Variants in SLC3A1 observed in about 807,000 individuals in gnomAD.
SLC3A1 encodes the protein amino acid transporter heavy chain SLC3A1.
SLC3A1 carries 78 observed loss-of-function variants against 60.3 expected under a neutral mutation model. The observed-to-expected ratio is 1.29, with a 90% CI of 1.08 to 1.56. SLC3A1 has a LOEUF of 1.56. SLC3A1 is among the 40% of genes most tolerant of loss of function. The probability of loss-of-function intolerance (pLI) is 0.00; values close to 1 mark genes in which losing one functional copy is unlikely to be tolerated. For missense variants in SLC3A1, 1,172 were observed against 858.9 expected (o/e 1.36, Z -4.56); for synonymous variants, 392 against 307.9 (o/e 1.27, Z -2.86).
intron 4 of SLC3A1, among the ~76,000 whole-genome samples, chr2:44,293,605 A>T (rs1572798863): frequency 1.3e-5 from 2 of 152,282 alleles, no homozygotes; most frequent in African/African-American, 4.8e-5. Context: ...GATGTGGCTG[A>T]TGTCTACAGA....
chr2:44,304,024 T>C lies in SLC3A1; in HGVS notation c.1137-119T>C. The C allele has an allele frequency of 3.7e-6, 3 of 808,854 alleles. No individual in the cohort carries two copies. The East Asian group carries it at 7.4e-5, about 20-fold the overall frequency. 50.1% of individuals were successfully genotyped at this position (808,854 alleles called of 1,614,324 possible). A position where few individuals can be genotyped will look rare whatever the true frequency, so the allele number is the denominator to read the frequency against. On this transcript the variant is annotated intron_variant, in intron 6 of 9. Transcript: ENST00000260649. ...TGCTTTCTAGAAGGTGCTAGTCCTA[T>C]ATGGTTAATAGTGTGCATTCAGCCC... is the stretch of plus-strand genomic sequence containing the variant.
chr2:44,281,608 GT>G, intron 3 of SLC3A1, 67 bp downstream of exon 3: 1 of 1,466,964 alleles, frequency 6.8e-7, no homozygotes, highest in African/African-American at 1.4e-5. Flanking sequence ...AACTGATTTA[GT>G]AAAACCCTTT....
chr2:44,294,510 A>T (rs1397775909), intron 4 of SLC3A1, among the ~76,000 whole-genome samples: 2 of 152,026 alleles, frequency 1.3e-5, no homozygotes, highest in African/African-American at 4.8e-5. Flanking sequence ...CTCAAAAAAA[A>T]AAAAAAAAAA....
intron 9 of SLC3A1, chr2:44,319,505 CTA>C (rs1410326339): frequency 6.6e-6 from 1 of 152,014 alleles, no homozygotes; most frequent in Admixed American, 6.6e-5. Context: ...TTTATGGAGG[CTA>C]TATTATATAG....
intron 5 of SLC3A1, among the ~76,000 whole-genome samples, 200 bp from the exon 6 acceptor site, chr2:44,300,803 G>C (rs1175968117): frequency 6.6e-6 from 1 of 152,102 alleles, no homozygotes; most frequent in Non-Finnish European, 1.5e-5. Flanking sequence ...CAGTTTATTA[G>C]AGAAATATTG....
intron 6 of SLC3A1, 131 bp downstream of exon 6, chr2:44,301,258 G>C: frequency 1.6e-6 from 2 of 1,227,456 alleles, no homozygotes; most frequent in East Asian, 2.5e-5. Flanking sequence ...ATTGATTACA[G>C]TTTGGTTGTA....
At chr2:44,303,792 C>T (rs147069722) in intron 6 of SLC3A1, 46 of 429,702 alleles carry the variant, frequency 1.1e-4, no homozygotes, top group African/African-American at 4.4e-4. Context: ...CATGTGTTCT[C>T]GTTATTCAAC....
chr2:44,321,805 T>C (rs1672984487), downstream of SLC3A1: 3 of 1,613,760 alleles, frequency 1.9e-6, no homozygotes, highest in Non-Finnish European at 2.5e-6. Flanking sequence ...ATCTGTCCAC[T>C]GAGAGGGCCT....
intron 4 of SLC3A1, among the ~76,000 whole-genome samples, chr2:44,295,018 AC>A (rs1421526972): frequency 1.3e-5 from 2 of 152,162 alleles, no homozygotes; most frequent in African/African-American, 2.4e-5. Flanking sequence ...TGCTAGGATT[AC>A]AGGCATGAGC....
In SLC3A1 at chr2:44,320,643, C is replaced by A. The variant is rs777174361; in HGVS notation, c.*4C>A. Reference sequence around the variant, plus strand: ...CATACTGTATACCTCGTGTTAGGCACCTTTATGAAGAGATGAAGACACTGG... The same window carrying A: ...CATACTGTATACCTCGTGTTAGGCAACTTTATGAAGAGATGAAGACACTGG... On this transcript the variant is annotated 3_prime_UTR_variant, in exon 10 of 10. Coordinates refer to ENST00000260649, the MANE Select transcript of SLC3A1 (RefSeq NM_000341.4). 1 of 1,611,376 alleles carries A rather than the reference C, an allele frequency of 6.2e-7. No individual in the cohort carries two copies. The highest frequency in any genetic ancestry group is 8.5e-7 in the Non-Finnish European group (1 of 1,177,644).
At chr2:44,311,793 C>T (rs115174729) in intron 7 of SLC3A1, among the ~76,000 whole-genome samples, 3,029 of 151,214 alleles carry the variant, frequency 0.02, 89 homozygotes, top group African/African-American at 0.068. Context: ...GACTCAAGTT[C>T]GAACGCTAGT....
chr2:44,300,858 ATTC>A, intron 5 of SLC3A1, 142 bp from the exon 6 acceptor site: 1 of 849,976 alleles, frequency 1.2e-6, no homozygotes, highest in Non-Finnish European at 2.0e-6. Flanking sequence ...CAAATGAAGC[ATTC>A]TTCTCCATCC....
At chr2:44,285,470 T>C (rs1373553704) in intron 3 of SLC3A1, 3 of 343,310 alleles carry the variant, frequency 8.7e-6, no homozygotes, top group Non-Finnish European at 1.7e-5. Context: ...GCCATAAATG[T>C]GAGCATTTCC....
intron 8 of SLC3A1, among the ~76,000 whole-genome samples, chr2:44,313,208 C>CTGT (rs1196605486): frequency 6.6e-6 from 1 of 152,208 alleles, no homozygotes; most frequent in African/African-American, 2.4e-5. Flanking sequence ...CTTTTCTTTT[C>CTGT]TGTTATCAGG....
chr2:44,298,317 T>A (rs1553343390), intron 4 of SLC3A1, among the ~76,000 whole-genome samples: 1 of 152,124 alleles, frequency 6.6e-6, no homozygotes, highest in Non-Finnish European at 1.5e-5. Context: ...TTAGTTTTCT[T>A]TACCTCCTCC....
chr2:44,310,647 A>C (rs1289182996), intron 7 of SLC3A1, among the ~76,000 whole-genome samples: 1 of 152,102 alleles, frequency 6.6e-6, no homozygotes, highest in Non-Finnish European at 1.5e-5. Flanking sequence ...TGAGGTTCTT[A>C]GATACACAAT....
chr2:44,297,316 G>C (rs1171487260), intron 4 of SLC3A1, among the ~76,000 whole-genome samples: 5 of 152,188 alleles, frequency 3.3e-5, no homozygotes, highest in African/African-American at 1.2e-4. Flanking sequence ...GTGGGGTTGA[G>C]GCAGGTAGCT....
chr2:44,305,669 A>AC (rs1159184091), intron 7 of SLC3A1, among the ~76,000 whole-genome samples: 1 of 151,166 alleles, frequency 6.6e-6, no homozygotes, highest in African/African-American at 2.4e-5. Context: ...CTCGTGATCC[A>AC]CCCCCACCTC....
intron 4 of SLC3A1, among the ~76,000 whole-genome samples, chr2:44,290,214 AC>A (rs1671711473): frequency 6.6e-6 from 1 of 151,326 alleles, no homozygotes; most frequent in South Asian, 2.1e-4. Flanking sequence ...TTGTCTGGCA[AC>A]TTTTGTTGAA....
Sources: allele counts gnomAD v4.1 joint callset (sites outside exome capture counted in the v4.1 genomes callset), GRCh38; gene constraint gnomAD v4.1.1; transcripts MANE v1.5; gene names NCBI Gene and HGNC (gene_info 2026-07-23, HGNC 2026-07-21).